Variants in SNED1 observed in about 807,000 individuals in gnomAD.
SNED1 encodes the protein sushi, nidogen and EGF like domains 1.
SNED1 carries 81 observed loss-of-function variants against 166.7 expected under a neutral mutation model. The ratio of observed to expected loss-of-function variants is 0.49; its 90% CI spans 0.41 to 0.58. The LOEUF is 0.58. SNED1 is among the 20% of genes least tolerant of loss of function. SNED1 has a pLI of 0.00. For synonymous variants in SNED1, 762 were observed against 822.0 expected, an observed-to-expected ratio of 0.93 and a Z score of 1.25; for missense variants, 1,604 against 2,000.2, an observed-to-expected ratio of 0.80 and a Z score of 3.78.
At chr2:241,066,690 C>A (rs888430768) in intron 21 of SNED1, among the ~76,000 whole-genome samples, 1 of 152,068 alleles carries the variant, frequency 6.6e-6, no homozygotes, top group Non-Finnish European at 1.5e-5. Context: ...CAGGGCCCTG[C>A]GGGGCGGCCA....
chr2:241,029,323 TGTCA>T (rs1454060976), intron 1 of SNED1, among the ~76,000 whole-genome samples: 1 of 152,250 alleles, frequency 6.6e-6, no homozygotes, highest in Non-Finnish European at 1.5e-5. Flanking sequence ...ATCAAGGCAC[TGTCA>T]GTCAGCCTCA....
chr2:241,014,708 G>A (rs2060525411), intron 1 of SNED1, among the ~76,000 whole-genome samples: 1 of 152,090 alleles, frequency 6.6e-6, no homozygotes, highest in Non-Finnish European at 1.5e-5. Context: ...CCTCTTTAAT[G>A]GCATCCTTGG....
intron 5 of SNED1, 40 bp from the exon 6 acceptor site, chr2:241,037,200 G>A (rs1236104575): frequency 1.4e-6 from 2 of 1,437,600 alleles, no homozygotes; most frequent in East Asian, 2.4e-5. Context: ...TCCTCATCCG[G>A]GTTCCCGCCG....
At chr2:241,055,898 C>G (rs1016665356) in intron 16 of SNED1, among the ~76,000 whole-genome samples, 1 of 152,234 alleles carries the variant, frequency 6.6e-6, no homozygotes, top group South Asian at 2.1e-4. Flanking sequence ...CTTAAAACTG[C>G]TCTAGCCCCA....
chr2:241,071,701 A>T lies in SNED1; in HGVS notation c.3715A>T (p.Thr1239Ser). The stretch of plus-strand genomic sequence containing the variant: ...GCTCAATGACCACAGCGCCCCCGAG[A>T]CCCCCACCCAGCCCCCCAGGTACAT... Reference protein sequence around the residue: ...RLLNDHSAPETPTQPPRFSEL... With the variant: ...RLLNDHSAPESPTQPPRFSEL... The change falls in exon 25 of 32, where the codon ACC becomes TCC. Residue 1239 changes from threonine (T) to serine (S), a missense_variant. Physicochemically the swap from Thr to Ser is moderately conservative, Grantham distance 58. Around this residue, in one of 2 missense-constraint regions of SNED1, gnomAD observed 367 missense variants for 379.4 expected, o/e 0.97. Transcript: ENST00000310397. 4.6e-5 allele frequency: 59 copies of T among 1,281,458 alleles called. No individual in the cohort carries two copies. The highest frequency in any genetic ancestry group is 6.2e-5 in the Non-Finnish European group (58 of 928,332). The allele number at this position is 1,281,458 out of a possible 1,614,324, so 79.4% of individuals were successfully genotyped here.
At chr2:241,037,571 T>G (rs1012554166) in intron 6 of SNED1, among the ~76,000 whole-genome samples, 2 of 152,158 alleles carry the variant, frequency 1.3e-5, no homozygotes, top group African/African-American at 4.8e-5. Context: ...CACACAGGCT[T>G]CCTAGACCAT....
At chr2:241,033,959 G>A in intron 3 of SNED1, 84 bp downstream of exon 3, 1 of 1,474,122 alleles carries the variant, frequency 6.8e-7, no homozygotes, top group Non-Finnish European at 9.1e-7. Flanking sequence ...GGTAGGCAGG[G>A]GCTCACCATA....
At chr2:241,086,152 C>T (rs1262681134) in intron 29 of SNED1, among the ~76,000 whole-genome samples, 2 of 152,138 alleles carry the variant, frequency 1.3e-5, no homozygotes. Context: ...CAGGAGTGAG[C>T]CACCGCACCT....
chr2:241,060,101 G>A (rs1367238141), intron 16 of SNED1, among the ~76,000 whole-genome samples: 1 of 151,980 alleles, frequency 6.6e-6, no homozygotes, highest in Non-Finnish European at 1.5e-5. Context: ...AAATGAAAGT[G>A]TTACATTAAT....
At chr2:241,003,339 G>C (rs1042625565) in intron 1 of SNED1, among the ~76,000 whole-genome samples, 1 of 152,212 alleles carries the variant, frequency 6.6e-6, no homozygotes, top group African/African-American at 2.4e-5. Context: ...TGCAGTGGTG[G>C]TGGTGCCCTG....
intron 16 of SNED1, among the ~76,000 whole-genome samples, chr2:241,062,495 C>T (rs1470578650): frequency 2.0e-5 from 3 of 152,124 alleles, no homozygotes; most frequent in Non-Finnish European, 4.4e-5. Flanking sequence ...TCTGTCAAAC[C>T]CCTGAGGCCT....
At position 241,064,875 on chromosome 2, in the gene SNED1, G is replaced by T. The variant is rs781133739; in HGVS notation, c.2631G>T (p.Gly877=). The change falls in exon 20 of 32, where the codon GGG becomes GGT. Residue 877 remains glycine, a synonymous_variant. Transcript: ENST00000310397. This position sits in a 1 kb window ranked among gnomAD's most constrained non-coding sequence, Gnocchi z 7.0. ...ACCCCTGCTTCTCCAGCCCCTGTGGGGGCCGTGGCTATTGCCTGGCCAGCA... is the reference window on the plus strand; with the variant it reads ...ACCCCTGCTTCTCCAGCCCCTGTGGTGGCCGTGGCTATTGCCTGGCCAGCA... ...VSDPCFSSPC[G]GRGYCLASNG... The T allele has an allele frequency of 6.3e-7, 1 of 1,591,320 alleles. No individual in the cohort carries two copies.
intron 26 of SNED1, chr2:241,072,359 C>T (rs1314996758): frequency 2.6e-6 from 1 of 377,548 alleles, no homozygotes; most frequent in South Asian, 2.0e-5. Flanking sequence ...CCCTTCCCAC[C>T]GGGTTTACTG....
intron 27 of SNED1, among the ~76,000 whole-genome samples, chr2:241,079,767 T>G (rs996214993): frequency 6.6e-6 from 1 of 152,220 alleles, no homozygotes; most frequent in Non-Finnish European, 1.5e-5. Context: ...CAAGCGATTT[T>G]AATAAGAGTA....
rs146233316 is a variant in SNED1 at position 241,078,729 on chromosome 2, T to C, written c.3917-2948T>C. ...TTCTAAAATTGTGCTGATGGATGCC[T>C]GTATCTGTGAATATGCTTAAAACCA... On this transcript the variant is annotated intron_variant, in intron 27 of 31. Transcript: ENST00000310397. Among the ~76,000 whole-genome samples, 8 of 152,032 alleles carry C rather than the reference T, an allele frequency of 5.3e-5. No homozygotes were observed. In the East Asian group the frequency reaches 9.6e-4, roughly 18 times the overall value.
At position 240,999,305 on chromosome 2, in the gene SNED1, C is replaced by T. The variant is rs1238584040; in HGVS notation, c.213+255C>T. Among the ~76,000 whole-genome samples the T allele has an allele frequency of 6.6e-6, 1 of 151,430 alleles. No homozygotes were observed. The highest frequency in any genetic ancestry group is 1.9e-4 in the East Asian group (1 of 5,142). Reference sequence around the variant, plus strand: ...CGAGTGGAGCGCGGCGCCCCGGCCCCTGCCAGACCTGCCGAGCGCGTCTTC... The same window carrying T: ...CGAGTGGAGCGCGGCGCCCCGGCCCTTGCCAGACCTGCCGAGCGCGTCTTC... On this transcript the variant is annotated intron_variant, in intron 1 of 31. Transcript: ENST00000310397. The surrounding 1 kb of genome is among the most constrained non-coding windows in gnomAD (Gnocchi z 5.8).
intron 16 of SNED1, among the ~76,000 whole-genome samples, chr2:241,058,313 A>G (rs55811297): frequency 1.3e-5 from 2 of 152,062 alleles, no homozygotes; most frequent in African/African-American, 2.4e-5. Flanking sequence ...AGAAACTGAC[A>G]TTAATACCAA....
intron 31 of SNED1, chr2:241,089,292 C>G: frequency 1.3e-6 from 2 of 1,549,082 alleles, no homozygotes; most frequent in Non-Finnish European, 1.7e-6. Context: ...AGTTCATCTT[C>G]CTGGTGGCGC....
intron 1 of SNED1, among the ~76,000 whole-genome samples, chr2:241,001,835 TG>T (rs926993477): frequency 6.6e-6 from 1 of 152,108 alleles, no homozygotes; most frequent in African/African-American, 2.4e-5. Flanking sequence ...GACAGAGCCC[TG>T]AGCAGAGGCA....
Sources: gnomAD v4.1 joint callset for allele counts (sites outside exome capture counted in the v4.1 genomes callset) on GRCh38, gnomAD v4.1.1 for gene constraint, gnomAD v4.1.1 regional missense constraint, Gnocchi (gnomAD v3.1) non-coding constraint, MANE v1.5 for transcripts, NCBI Gene and HGNC (gene_info 2026-07-23, HGNC 2026-07-21) for gene names.